The following HELZ variants were observed in gnomAD, a reference collection of about 807,000 sequenced individuals.
HELZ encodes ATP-dependent RNA helicase with zinc finger domain.
In HELZ, 23 loss-of-function variants were observed where a neutral mutation model predicts 218.2. The observed-to-expected ratio is 0.11, with a 90% CI of 0.08 to 0.15. The LOEUF (loss-of-function observed/expected upper bound fraction) is 0.15, where lower values mean the gene tolerates loss of function less well. Ranked by LOEUF, HELZ falls within the 10% of genes least tolerant of loss-of-function variation. HELZ has a pLI of 1.00. For synonymous variants in HELZ, 814 were observed against 829.4 expected, an observed-to-expected ratio of 0.98 and a Z score of 0.32; for missense variants, 1,813 against 2,353.7, an observed-to-expected ratio of 0.77 and a Z score of 4.75.
At chr17:67,107,745 C>G (rs1262728972) in intron 30 of HELZ, 60 bp from the exon 31 acceptor site, 1 of 1,432,296 alleles carries the variant, frequency 7.0e-7, no homozygotes, top group Non-Finnish European at 9.5e-7. Context: ...TTAAGGAAAG[C>G]TTAGTCAACT....
chr17:67,174,437 T>G (rs779192566), intron 13 of HELZ, among the ~76,000 whole-genome samples: 11 of 152,134 alleles, frequency 7.2e-5, no homozygotes, highest in Non-Finnish European at 1.0e-4. Flanking sequence ...CTCAGTCTCT[T>G]GCAACCCTTA....
upstream of HELZ, chr17:67,245,306 T>G: frequency 1.2e-6 from 1 of 850,320 alleles, no homozygotes; most frequent in South Asian, 5.2e-5. Context: ...CCCGGAAAGT[T>G]GCCCCGGGTG....
chr17:67,134,062 GTTCTTCT>G (rs1756301923), intron 23 of HELZ, among the ~76,000 whole-genome samples: 1 of 152,000 alleles, frequency 6.6e-6, no homozygotes, highest in Non-Finnish European at 1.5e-5. Flanking sequence ...GATATACCTG[GTTCTTCT>G]ATTCATTTGT....
intron 17 of HELZ, among the ~76,000 whole-genome samples, chr17:67,153,069 G>A (rs2038736731): frequency 6.6e-6 from 1 of 152,148 alleles, no homozygotes; most frequent in South Asian, 2.1e-4. Flanking sequence ...AATCTGATTA[G>A]CTTGAGCTCA....
chr17:67,232,268 T>C (rs1177091831), intron 3 of HELZ, among the ~76,000 whole-genome samples: 5 of 151,814 alleles, frequency 3.3e-5, no homozygotes, highest in Non-Finnish European at 7.4e-5. Context: ...CTCAACCTCC[T>C]GAGTAGCTGA....
intron 30 of HELZ, among the ~76,000 whole-genome samples, chr17:67,107,981 A>C (rs1030460853): frequency 6.6e-6 from 1 of 152,220 alleles, no homozygotes; most frequent in Non-Finnish European, 1.5e-5. Flanking sequence ...GGTGGACCTT[A>C]TTCAGAAGGG....
At chr17:67,191,995 G>C (rs2039910263) in intron 9 of HELZ, among the ~76,000 whole-genome samples, 1 of 151,646 alleles carries the variant, frequency 6.6e-6, no homozygotes, top group Admixed American at 6.6e-5. Flanking sequence ...CCTGAGGTCG[G>C]GAGTTCAAGA....
At chr17:67,094,669 A>G (rs2036688091) in intron 31 of HELZ, among the ~76,000 whole-genome samples, 1 of 152,220 alleles carries the variant, frequency 6.6e-6, no homozygotes, top group African/African-American at 2.4e-5. Flanking sequence ...ACATGCCTGT[A>G]GGCCCAGCTA....
intron 31 of HELZ, among the ~76,000 whole-genome samples, chr17:67,102,111 G>A (rs1315878864): frequency 1.3e-5 from 2 of 152,206 alleles, no homozygotes; most frequent in South Asian, 2.1e-4. Flanking sequence ...AATCCATGGA[G>A]TTAAGCCTAA....
intron 25 of HELZ, among the ~76,000 whole-genome samples, 154 bp from the exon 26 acceptor site, chr17:67,123,314 T>G (rs1012889140): frequency 6.6e-6 from 1 of 151,356 alleles, no homozygotes; most frequent in Admixed American, 6.6e-5. Context: ...TAAAGCATAT[T>G]ACAAAAAAAA....
Position 67,244,079 on chromosome 17 carries a change from C to A in HELZ, c.-131-240G>T, listed in dbSNP as rs943408210. 45 of 684,416 alleles carry A rather than the reference C, an allele frequency of 6.6e-5. No individual in the cohort carries two copies. The African/African-American group carries it at 8.2e-4, about 12-fold the overall frequency. 42.4% of individuals were successfully genotyped at this position (684,416 alleles called of 1,614,324 possible). ...AAACTCAAAAACATAATAAAATCATCTTTTTCAACACAGACTGACCTTACT... is the reference window on the plus strand; with the variant it reads ...AAACTCAAAAACATAATAAAATCATATTTTTCAACACAGACTGACCTTACT... On this transcript the variant is annotated intron_variant, in intron 1 of 32. Coordinates refer to ENST00000358691, the MANE Select transcript of HELZ (RefSeq NM_014877.4).
At chr17:67,212,649 GGATTT>G (rs1260236082) in intron 5 of HELZ, among the ~76,000 whole-genome samples, 6 of 151,982 alleles carry the variant, frequency 3.9e-5, no homozygotes, top group Admixed American at 6.5e-5. Flanking sequence ...TACTGCTTTT[GGATTT>G]ATTTAAAAAA....
intron 31 of HELZ, among the ~76,000 whole-genome samples, chr17:67,090,624 G>A (rs2036548571): frequency 6.6e-6 from 1 of 152,068 alleles, no homozygotes; most frequent in South Asian, 2.1e-4. Flanking sequence ...GAGGTTTTAA[G>A]GAAGTGGTTC....
intron 13 of HELZ, chr17:67,173,205 TA>T: frequency 1.8e-5 from 3 of 162,846 alleles, no homozygotes; most frequent in South Asian, 2.0e-4. Context: ...TACTAATAAT[TA>T]ATTTGTATAA....
chr17:67,102,130 A>G (rs915745187), intron 31 of HELZ, among the ~76,000 whole-genome samples: 1 of 152,210 alleles, frequency 6.6e-6, no homozygotes, highest in Non-Finnish European at 1.5e-5. Flanking sequence ...AATTATCTAC[A>G]TGAGAATAGT....
rs115532187 is a variant in HELZ, at chr17:67,081,680, G to A, written c.5495-3094C>T. 5.2e-3 allele frequency among the ~76,000 whole-genome samples: 785 copies of A among 152,146 alleles called. 7 individuals carry two copies. The highest frequency in any genetic ancestry group is 0.018 in the African/African-American group (744 of 41,500). On this transcript the variant is annotated intron_variant, in intron 32 of 32. Transcript: ENST00000358691. ...CTTCTTGATGGCCCTGTGGTTAGTG[G>A]GCCACAGAAACTGTCTCTTCCTTCC...
intron 15 of HELZ, among the ~76,000 whole-genome samples, chr17:67,162,847 A>AT (rs2039029645): frequency 6.6e-6 from 1 of 152,194 alleles, no homozygotes; most frequent in Non-Finnish European, 1.5e-5. Context: ...GCATGAGGCA[A>AT]AACACATCAG....
At chr17:67,159,048 G>A (rs1158780868) in intron 17 of HELZ, among the ~76,000 whole-genome samples, 1 of 152,034 alleles carries the variant, frequency 6.6e-6, no homozygotes, top group East Asian at 1.9e-4. Context: ...CAATATAAGT[G>A]AACAAAACAA....
chr17:67,233,712 T>C (rs1188991742), intron 3 of HELZ, among the ~76,000 whole-genome samples: 1 of 152,062 alleles, frequency 6.6e-6, no homozygotes, highest in East Asian at 1.9e-4. Flanking sequence ...ACCAAATTCA[T>C]CTTCATTCTA....
Sources: gnomAD v4.1 joint callset for allele counts (sites outside exome capture counted in the v4.1 genomes callset) on GRCh38, gnomAD v4.1.1 for gene constraint, MANE v1.5 for transcripts, NCBI Gene and HGNC (gene_info 2026-07-23, HGNC 2026-07-21) for gene names.